CPEB3: variants seen among roughly 807,000 people sequenced by gnomAD.
CPEB3 encodes cytoplasmic polyadenylation element binding protein 3, also known as cytoplasmic polyadenylation element-binding protein 3.
CPEB3 carries 20 observed loss-of-function variants against 67.2 expected under a neutral mutation model. The observed-to-expected ratio is 0.30, with a 90% CI of 0.21 to 0.43. The LOEUF is 0.43. Ranked by LOEUF, CPEB3 falls within the 20% of genes least tolerant of loss-of-function variation. CPEB3 has a pLI of 1.00. For missense variants in CPEB3, 746 were observed against 968.6 expected (o/e 0.77, Z 3.05); for synonymous variants, 376 against 393.1 (o/e 0.96, Z 0.51).
intron 7 of CPEB3, among the ~76,000 whole-genome samples, chr10:92,106,856 GAAAA>G (rs956376732): frequency 8.5e-6 from 1 of 117,868 alleles, no homozygotes; most frequent in Admixed American, 8.1e-5. Flanking sequence ...AAAGAAAAAA[GAAAA>G]AAAGAAAAAG....
rs1172350200 is a variant in CPEB3 at position 92,050,865 on chromosome 10, G to A, written c.*1347C>T. The A allele has an allele frequency of 6.6e-6, 1 of 152,636 alleles. No homozygotes were observed. The highest frequency in any genetic ancestry group is 1.9e-4 in the East Asian group (1 of 5,202). The allele number at this position is 152,636 out of a possible 1,614,324, so 9.5% of individuals were successfully genotyped here. On this transcript the variant is annotated 3_prime_UTR_variant, in exon 10 of 10. Transcript: ENST00000265997. ...TTTGGTTTTCTGGACAAGGTCTGAA[G>A]CTATGTAAAATGGTGCAAGCACTAA...
At chr10:92,077,955 G>A (rs1380659829) in intron 9 of CPEB3, among the ~76,000 whole-genome samples, 1 of 152,112 alleles carries the variant, frequency 6.6e-6, no homozygotes, top group Non-Finnish European at 1.5e-5. Flanking sequence ...CCACTCAGAT[G>A]ACTCTCACCC....
intron 3 of CPEB3, among the ~76,000 whole-genome samples, chr10:92,188,757 A>G (rs568159179): frequency 6.6e-6 from 1 of 152,254 alleles, no homozygotes; most frequent in South Asian, 2.1e-4. Context: ...AATTAGTCAA[A>G]TTTTTGTTTA....
intron 3 of CPEB3, among the ~76,000 whole-genome samples, chr10:92,189,761 T>C (rs1241721173): frequency 2.1e-5 from 3 of 140,316 alleles, no homozygotes; most frequent in African/African-American, 8.0e-5. Flanking sequence ...CAGGCTGCAG[T>C]ACAGTGGCGC....
At chr10:92,291,103 T>C, upstream of CPEB3, 1 of 304,382 alleles carries the variant, frequency 3.3e-6, no homozygotes, top group South Asian at 3.6e-5. Flanking sequence ...GAAGACTACA[T>C]CTCCCAGGCT....
intron 4 of CPEB3, among the ~76,000 whole-genome samples, chr10:92,152,643 G>A (rs1847016278): frequency 6.6e-6 from 1 of 152,194 alleles, no homozygotes; most frequent in East Asian, 1.9e-4. Context: ...GGATATATTG[G>A]TGTTCATTAA....
Position 92,198,220 on chromosome 10 carries a change from G to A in CPEB3, c.1006-5584C>T, listed in dbSNP as rs187887781. Among the ~76,000 whole-genome samples the A allele has an allele frequency of 3.3e-5, 5 of 152,320 alleles. No individual in the cohort carries two copies. In the East Asian group the frequency reaches 9.6e-4, roughly 29 times the overall value. On this transcript the variant is annotated intron_variant, in intron 2 of 9. Coordinates refer to ENST00000265997, the MANE Select transcript of CPEB3 (RefSeq NM_014912.5). ...GCTCAAACCCAGTCAAATCCAGACC[G>A]TGCTCTTAAGGATTCTCATTGTACT...
intron 6 of CPEB3, among the ~76,000 whole-genome samples, chr10:92,131,577 T>C (rs1845843856): frequency 1.3e-5 from 2 of 152,200 alleles, no homozygotes; most frequent in African/African-American, 2.4e-5. Context: ...CAATGATGAC[T>C]TATTCTGTCT....
intron 1 of CPEB3, among the ~76,000 whole-genome samples, chr10:92,281,661 T>C (rs1842301433): frequency 6.6e-6 from 1 of 152,238 alleles, no homozygotes; most frequent in Non-Finnish European, 1.5e-5. Context: ...ACTGCCCACT[T>C]TATCATATAG....
intron 6 of CPEB3, among the ~76,000 whole-genome samples, chr10:92,113,374 T>A (rs767309581): frequency 1.3e-5 from 2 of 152,232 alleles, no homozygotes; most frequent in Non-Finnish European, 2.9e-5. Flanking sequence ...TATGAGAACA[T>A]TAATTCTACT....
At chr10:92,264,678 T>A (rs1327695677) in intron 1 of CPEB3, among the ~76,000 whole-genome samples, 1 of 146,462 alleles carries the variant, frequency 6.8e-6, no homozygotes, top group Non-Finnish European at 1.5e-5. Context: ...ATCACGCCAC[T>A]GCACTCCAGC....
At position 92,239,542 on chromosome 10, in the gene CPEB3, C is replaced by T. The variant is rs1430627830; in HGVS notation, c.809G>A (p.Arg270Gln). The change falls in exon 2 of 10, where the codon CGG becomes CAG. Residue 270 changes from arginine (R) to glutamine (Q), a missense_variant. By Grantham distance (43) the Arg-to-Gln change is conservative. Transcript: ENST00000265997. The surrounding 1 kb of genome is among the most constrained non-coding windows in gnomAD (Gnocchi z 6.0). Reference protein sequence around the residue: ...GGLQAGRDPRRAVGVGVGVGV... With the variant: ...GGLQAGRDPRQAVGVGVGVGV... ...CACACCCACGCCCACACCGACCGCC[C>T]GGCGAGGGTCCCGGCCCGCCTGCAG... The T allele has an allele frequency of 1.3e-6, 2 of 1,558,050 alleles. No individual in the cohort carries two copies. The highest frequency in any genetic ancestry group is 1.9e-5 in the Admixed American group (1 of 51,480).
chr10:92,052,266 C>A lies in CPEB3; in HGVS notation c.2043G>T (p.Pro681=). The change falls in exon 10 of 10, where the codon CCG becomes CCT. Residue 681 remains proline, a synonymous_variant. Transcript: ENST00000265997. ...HSRAGREFHK[P]LVKEGGDRPR... The stretch of plus-strand genomic sequence containing the variant: ...GGCGGTCGCCTCCCTCCTTCACCAG[C>A]GGTTTGTGGAACTCCCGCCCGGCTC... 1 of 1,614,134 alleles carries A rather than the reference C, an allele frequency of 6.2e-7. No individual in the cohort carries two copies. The highest frequency in any genetic ancestry group is 8.5e-7 in the Non-Finnish European group (1 of 1,180,012).
chr10:92,123,988 T>C (rs1341930727), intron 6 of CPEB3, among the ~76,000 whole-genome samples: 1 of 152,238 alleles, frequency 6.6e-6, no homozygotes, highest in East Asian at 1.9e-4. Context: ...CCTATCTAAC[T>C]ACTGTCAGCA....
At chr10:92,193,944 C>A (rs1462893872) in intron 2 of CPEB3, among the ~76,000 whole-genome samples, 5 of 149,440 alleles carry the variant, frequency 3.3e-5, no homozygotes, top group Admixed American at 2.7e-4. Context: ...CTACAGGCAC[C>A]CGCCACCATG....
chr10:92,191,364 T>C (rs1292244417), intron 3 of CPEB3, among the ~76,000 whole-genome samples: 1 of 151,124 alleles, frequency 6.6e-6, no homozygotes, highest in African/African-American at 2.4e-5. Flanking sequence ...ATTGTGCCAC[T>C]GCACTCCACT....
intron 6 of CPEB3, among the ~76,000 whole-genome samples, chr10:92,140,010 T>C (rs567051133): frequency 1.7e-4 from 25 of 147,220 alleles, no homozygotes; most frequent in African/African-American, 6.3e-4. Context: ...GAGGTGGAGG[T>C]TGCAGAAGCC....
chr10:92,272,817 A>C (rs1312871495), intron 1 of CPEB3, among the ~76,000 whole-genome samples: 1 of 152,216 alleles, frequency 6.6e-6, no homozygotes, highest in East Asian at 1.9e-4. Flanking sequence ...GAAAGATTTT[A>C]ATCAGGTGAG....
chr10:92,173,758 T>C (rs1848109749), intron 4 of CPEB3, among the ~76,000 whole-genome samples: 1 of 152,174 alleles, frequency 6.6e-6, no homozygotes, highest in African/African-American at 2.4e-5. Context: ...CTTAGGTCCC[T>C]TACCATGTTC....
Sources: allele counts gnomAD v4.1 joint callset (sites outside exome capture counted in the v4.1 genomes callset), GRCh38; gene constraint gnomAD v4.1.1; non-coding constraint Gnocchi (gnomAD v3.1); transcripts MANE v1.5; gene names NCBI Gene and HGNC (gene_info 2026-07-23, HGNC 2026-07-21).